Variants in KAZN observed in about 807,000 individuals in gnomAD.
The protein encoded by KAZN is kazrin.
KAZN carries 40 observed loss-of-function variants against 87.4 expected under a neutral mutation model. That is an observed-to-expected ratio of 0.46 (90% CI 0.36 to 0.60). The LOEUF is 0.60. Ranked by LOEUF, KAZN falls within the 20% of genes least tolerant of loss-of-function variation. The pLI is 0.00. For missense variants in KAZN, 898 were observed against 1,073.9 expected, an observed-to-expected ratio of 0.84 and a Z score of 2.29; for synonymous variants, 466 against 458.3, an observed-to-expected ratio of 1.02 and a Z score of -0.22.
intron 3 of KAZN, among the ~76,000 whole-genome samples, chr1:15,038,164 G>A (rs1276389929): frequency 2.0e-5 from 3 of 152,136 alleles, no homozygotes; most frequent in Non-Finnish European, 4.4e-5. Flanking sequence ...TGAAGCAGGA[G>A]GATTGCTTGA....
chr1:14,337,744 A>G (rs1398595521), intron 2 of KAZN, among the ~76,000 whole-genome samples: 2 of 152,104 alleles, frequency 1.3e-5, no homozygotes, highest in Non-Finnish European at 2.9e-5. Context: ...AAATACAAAA[A>G]TTAACTGGGC....
At chr1:14,835,862 T>A (rs1388045896) in intron 1 of KAZN, among the ~76,000 whole-genome samples, 1 of 150,806 alleles carries the variant, frequency 6.6e-6, no homozygotes, top group Non-Finnish European at 1.5e-5. Flanking sequence ...ACATTGAGGT[T>A]TGAGGGGCAC....
intron 2 of KAZN, among the ~76,000 whole-genome samples, chr1:14,571,366 T>A (rs1432943334): frequency 6.6e-6 from 1 of 152,172 alleles, no homozygotes; most frequent in Non-Finnish European, 1.5e-5. Flanking sequence ...CCATAATTGC[T>A]CACCTTTTTC....
chr1:14,374,448 G>C (rs145469651), intron 2 of KAZN, among the ~76,000 whole-genome samples: 2 of 152,308 alleles, frequency 1.3e-5, no homozygotes, highest in African/African-American at 4.8e-5. Context: ...CAAGGATGAG[G>C]AGCTTCGGGA....
At chr1:13,915,604 C>T (rs1376530199) in intron 1 of KAZN, among the ~76,000 whole-genome samples, 1 of 152,214 alleles carries the variant, frequency 6.6e-6, no homozygotes, top group Non-Finnish European at 1.5e-5. Flanking sequence ...CCTTCCACCT[C>T]AGCGCCCAGT....
Position 14,887,315 on chromosome 1 carries a change from G to A in KAZN, c.227-73369G>A, listed in dbSNP as rs192183836. Reference sequence around the variant, plus strand: ...CAAAGACATGGCTAGCTGTGCAGTAGCATTGCCGTGAAGAACTTGAGGCTC... The same window carrying A: ...CAAAGACATGGCTAGCTGTGCAGTAACATTGCCGTGAAGAACTTGAGGCTC... On this transcript the variant is annotated intron_variant, in intron 1 of 14. Transcript: ENST00000376030. Among the ~76,000 whole-genome samples, 5 of 152,292 alleles carry A rather than the reference G, an allele frequency of 3.3e-5. 1 individual carries two copies. The East Asian group carries it at 9.6e-4, about 29-fold the overall frequency.
At chr1:14,002,310 T>C (rs1248712592) in intron 1 of KAZN, among the ~76,000 whole-genome samples, 1 of 152,162 alleles carries the variant, frequency 6.6e-6, no homozygotes, top group Non-Finnish European at 1.5e-5. Context: ...TCAACTTGAG[T>C]TGTATCTCAC....
chr1:14,850,177 G>A (rs1428779763), intron 1 of KAZN, among the ~76,000 whole-genome samples: 6 of 152,132 alleles, frequency 3.9e-5, no homozygotes, highest in African/African-American at 7.2e-5. Flanking sequence ...CTCGTGATCC[G>A]CCTGCCTCAG....
intron 2 of KAZN, among the ~76,000 whole-genome samples, chr1:14,435,783 GC>G (rs1666347814): frequency 6.6e-6 from 1 of 152,164 alleles, no homozygotes; most frequent in Non-Finnish European, 1.5e-5. Flanking sequence ...TGGTGACAGG[GC>G]CTAACGATAT....
At chr1:14,729,304 G>A (rs1643568529) in intron 1 of KAZN, among the ~76,000 whole-genome samples, 1 of 152,196 alleles carries the variant, frequency 6.6e-6, no homozygotes, top group Non-Finnish European at 1.5e-5. Flanking sequence ...GGCTCCAACT[G>A]AGCATCCATA....
In KAZN at chr1:14,338,360, C is replaced by A. The variant is rs188583320; in HGVS notation, c.249+157768C>A. ...ATTAGCCAAGCACGGCAGTGTGCAC[C>A]TGTAGTCCCAGCTACTCGGGACACT... On this transcript the variant is annotated intron_variant, in intron 2 of 16. Transcript: ENST00000636203. 1.9e-3 allele frequency among the ~76,000 whole-genome samples: 294 copies of A among 151,998 alleles called. 1 individual carries two copies. The highest frequency in any genetic ancestry group is 5.9e-3 in the African/African-American group (243 of 41,460).
intron 2 of KAZN, among the ~76,000 whole-genome samples, chr1:14,227,531 G>A (rs920095902): frequency 1.3e-5 from 2 of 152,074 alleles, no homozygotes; most frequent in African/African-American, 4.8e-5. Context: ...TTTCTTACAA[G>A]ACAGGCAGAG....
At chr1:14,786,868 T>C (rs1032635230) in intron 1 of KAZN, among the ~76,000 whole-genome samples, 19 of 152,204 alleles carry the variant, frequency 1.2e-4, no homozygotes, top group Non-Finnish European at 2.6e-4. Flanking sequence ...GTGAATCTTC[T>C]AGTAAACAGT....
intron 2 of KAZN, among the ~76,000 whole-genome samples, chr1:14,296,473 G>A (rs926345546): frequency 2.0e-5 from 3 of 152,140 alleles, no homozygotes; most frequent in South Asian, 2.1e-4. Flanking sequence ...ACACTGTGAC[G>A]AGCTCAGTTC....
intron 1 of KAZN, among the ~76,000 whole-genome samples, chr1:14,754,061 C>T (rs549946101): frequency 3.9e-5 from 6 of 152,292 alleles, no homozygotes; most frequent in African/African-American, 9.6e-5. Flanking sequence ...TGTGACCAAT[C>T]GACGTAGGCT....
At chr1:15,004,052 T>A (rs751988549) in intron 2 of KAZN, among the ~76,000 whole-genome samples, 1 of 152,200 alleles carries the variant, frequency 6.6e-6, no homozygotes, top group South Asian at 2.1e-4. Context: ...CCGTGGAAGG[T>A]GCTGGGCATA....
intron 2 of KAZN, among the ~76,000 whole-genome samples, chr1:14,313,908 AAAT>A (rs963839979): frequency 2.6e-5 from 4 of 152,146 alleles, no homozygotes; most frequent in African/African-American, 9.7e-5. Context: ...GTAGGAAAAA[AAAT>A]GATGGCTTAG....
chr1:14,511,711 T>C (rs1049203532), intron 2 of KAZN, among the ~76,000 whole-genome samples: 1 of 152,178 alleles, frequency 6.6e-6, no homozygotes, highest in Non-Finnish European at 1.5e-5. Context: ...GACTGAGTGA[T>C]TATGTTATTA....
At chr1:14,437,931 C>G (rs1666493589) in intron 2 of KAZN, among the ~76,000 whole-genome samples, 1 of 152,052 alleles carries the variant, frequency 6.6e-6, no homozygotes, top group Non-Finnish European at 1.5e-5. Context: ...ATGACATGTT[C>G]CCTTTTTCTC....
Sources: allele counts gnomAD v4.1 joint callset (sites outside exome capture counted in the v4.1 genomes callset), GRCh38; gene constraint gnomAD v4.1.1; transcripts MANE v1.5; gene names NCBI Gene and HGNC (gene_info 2026-07-23, HGNC 2026-07-21).